Variants in KCNJ1 observed in about 807,000 individuals in gnomAD.
KCNJ1 encodes ATP-sensitive inward rectifier potassium channel 1.
Under a neutral mutation model 21.9 loss-of-function variants are expected in KCNJ1, and 24 were observed. That is an observed-to-expected ratio of 1.10 (90% CI 0.79 to 1.54). KCNJ1 has a LOEUF of 1.54. Among genes scored for constraint, KCNJ1 ranks in the 40% most tolerant of loss-of-function variants. The probability of loss-of-function intolerance (pLI) is 0.00; values close to 1 mark genes in which losing one functional copy is unlikely to be tolerated. For synonymous variants in KCNJ1, 152 were observed against 160.9 expected, an observed-to-expected ratio of 0.94 and a Z score of 0.42; for missense variants, 457 against 455.4, an observed-to-expected ratio of 1.00 and a Z score of -0.03.
intron 2 of KCNJ1, chr11:128,842,558 T>C: frequency 1.3e-6 from 2 of 1,518,736 alleles, no homozygotes; most frequent in South Asian, 1.3e-5. Flanking sequence ...CTTAATTTGA[T>C]AGTGGAGTCG....
At chr11:128,846,799 C>T (rs1943388558) in intron 2 of KCNJ1, among the ~76,000 whole-genome samples, 1 of 152,092 alleles carries the variant, frequency 6.6e-6, no homozygotes, top group Non-Finnish European at 1.5e-5. Flanking sequence ...TGGAAGGTGA[C>T]CTCGTACTAC....
At chr11:128,862,288 C>T (rs1943729317) in intron 1 of KCNJ1, among the ~76,000 whole-genome samples, 2 of 152,286 alleles carry the variant, frequency 1.3e-5, no homozygotes, top group East Asian at 3.9e-4. Context: ...AGACCTCATC[C>T]TGTCTCTTCA....
intron 1 of KCNJ1, among the ~76,000 whole-genome samples, chr11:128,865,025 TCA>T (rs1288418902): frequency 6.6e-6 from 1 of 152,024 alleles, no homozygotes; most frequent in African/African-American, 2.4e-5. Context: ...GCAGCTTCCC[TCA>T]CCCCTCCCCT....
At chr11:128,844,952 T>C (rs1477674043) in intron 2 of KCNJ1, among the ~76,000 whole-genome samples, 3 of 152,210 alleles carry the variant, frequency 2.0e-5, no homozygotes, top group African/African-American at 7.2e-5. Flanking sequence ...GATTTCAGAT[T>C]AGAGGTAGGA....
At chr11:128,866,621 A>G (rs1943819934) in intron 1 of KCNJ1, 9 of 624,072 alleles carry the variant, frequency 1.4e-5, no homozygotes, top group Non-Finnish European at 1.8e-5. Flanking sequence ...ATCCAAATGT[A>G]TCCATTCAGA....
intron 2 of KCNJ1, among the ~76,000 whole-genome samples, chr11:128,850,279 C>A (rs1398434146): frequency 6.6e-6 from 1 of 152,082 alleles, no homozygotes; most frequent in Non-Finnish European, 1.5e-5. Flanking sequence ...AAGAAGATCC[C>A]CCTCCCCATT....
chr11:128,864,939 C>T (rs1248655318), intron 1 of KCNJ1, among the ~76,000 whole-genome samples: 7 of 152,032 alleles, frequency 4.6e-5, no homozygotes, highest in Non-Finnish European at 2.9e-5. Flanking sequence ...TAAGATCTTA[C>T]CCCGGTTCTC....
In KCNJ1 at chr11:128,853,964, G is replaced by A. The variant is rs572216843; in HGVS notation, c.-191-3074C>T. The stretch of plus-strand genomic sequence containing the variant: ...GGAGATGTCTCTTCTCCCAGGGTCT[G>A]CAGGAGAAGCTCTTCCCTGCTGCTG... On this transcript the variant is annotated intron_variant, in intron 1 of 2. Coordinates refer to ENST00000392666, the MANE Select transcript of KCNJ1 (RefSeq NM_153766.3). Among the ~76,000 whole-genome samples, 34 of 152,378 alleles carry A rather than the reference G, an allele frequency of 2.2e-4. No individual in the cohort carries two copies. In the South Asian group the frequency reaches 6.8e-3, roughly 31 times the overall value.
At chr11:128,853,040 T>G (rs937493072) in intron 1 of KCNJ1, among the ~76,000 whole-genome samples, 1 of 152,366 alleles carries the variant, frequency 6.6e-6, no homozygotes, top group South Asian at 2.1e-4. Flanking sequence ...CCACTTTATT[T>G]CCACTTATTT....
At chr11:128,866,757 T>C (rs1276015878) in intron 1 of KCNJ1, 1 of 152,406 alleles carries the variant, frequency 6.6e-6, no homozygotes, top group Non-Finnish European at 1.5e-5. Flanking sequence ...TAGACCCCAC[T>C]AGCACCTTGA....
intron 2 of KCNJ1, 37 bp from the exon 3 acceptor site, chr11:128,840,301 GT>G: frequency 1.2e-6 from 2 of 1,601,952 alleles, no homozygotes; most frequent in Admixed American, 1.7e-5. Context: ...AAAGGATTAT[GT>G]TTATAGCAAT....
chr11:128,842,969 T>C (rs1399445897), intron 2 of KCNJ1, among the ~76,000 whole-genome samples: 2 of 152,208 alleles, frequency 1.3e-5, no homozygotes, highest in African/African-American at 4.8e-5. Context: ...CATGTTAATC[T>C]CTCCATACAA....
At chr11:128,865,810 G>C (rs1450390705) in intron 1 of KCNJ1, among the ~76,000 whole-genome samples, 2 of 152,120 alleles carry the variant, frequency 1.3e-5, no homozygotes, top group Non-Finnish European at 2.9e-5. Context: ...GGAATTTTGA[G>C]ACTTAGCTCT....
chr11:128,863,030 G>C (rs1346085239), intron 1 of KCNJ1, among the ~76,000 whole-genome samples: 1 of 152,216 alleles, frequency 6.6e-6, no homozygotes. Flanking sequence ...GGTAGATCTG[G>C]ATAAAGCCAG....
At chr11:128,864,680 G>A (rs981435439) in intron 1 of KCNJ1, among the ~76,000 whole-genome samples, 1 of 152,134 alleles carries the variant, frequency 6.6e-6, no homozygotes, top group Non-Finnish European at 1.5e-5. Context: ...ATGTGGGAGG[G>A]TGAGTGGAAG....
chr11:128,850,078 C>T (rs928272017), intron 2 of KCNJ1, among the ~76,000 whole-genome samples: 1 of 152,090 alleles, frequency 6.6e-6, no homozygotes, highest in Admixed American at 6.5e-5. Flanking sequence ...AGGGCCCCCC[C>T]GCCTCCAACC....
At chr11:128,853,641 G>A (rs1943518759) in intron 1 of KCNJ1, among the ~76,000 whole-genome samples, 1 of 152,124 alleles carries the variant, frequency 6.6e-6, no homozygotes, top group Non-Finnish European at 1.5e-5. Flanking sequence ...CAAATTAGTG[G>A]GTTTTATTTT....
At chr11:128,848,040 G>A (rs1265983016) in intron 2 of KCNJ1, among the ~76,000 whole-genome samples, 4 of 151,880 alleles carry the variant, frequency 2.6e-5, no homozygotes, top group Admixed American at 2.6e-4. Flanking sequence ...TGTAATCCCA[G>A]CACTTTGGGA....
chr11:128,852,781 C>T (rs568259510), intron 1 of KCNJ1, among the ~76,000 whole-genome samples: 1 of 152,370 alleles, frequency 6.6e-6, no homozygotes, highest in Non-Finnish European at 1.5e-5. Flanking sequence ...CAGCAAATGT[C>T]TTGAACTGCT....
Sources: allele counts gnomAD v4.1 joint callset (sites outside exome capture counted in the v4.1 genomes callset), GRCh38; gene constraint gnomAD v4.1.1; transcripts MANE v1.5; gene names NCBI Gene and HGNC (gene_info 2026-07-23, HGNC 2026-07-21).